The following LPAR3 variants were observed in gnomAD, a reference collection of about 807,000 sequenced individuals.
LPAR3 encodes the protein lysophosphatidic acid receptor 3.
Under a neutral mutation model 17.8 loss-of-function variants are expected in LPAR3, and 7 were observed. The ratio of observed to expected loss-of-function variants is 0.39; its 90% CI spans 0.22 to 0.74. The LOEUF (loss-of-function observed/expected upper bound fraction) is 0.74. Ranked by LOEUF, LPAR3 falls within the 30% of genes least tolerant of loss-of-function variation. The pLI, the probability that LPAR3 is intolerant of heterozygous loss-of-function variation, is 0.40. For missense variants in LPAR3, 391 were observed against 453.4 expected (o/e 0.86, Z 1.25); for synonymous variants, 179 against 179.9 (o/e 0.99, Z 0.04).
chr1:84,850,393 C>CAAAAAAAAAAAAAAAAAAAAAA (rs561506398), intron 2 of LPAR3, among the ~76,000 whole-genome samples: 4 of 38,736 alleles, frequency 1.0e-4, no homozygotes, highest in Admixed American at 2.8e-4. Context: ...TCTGTCTCTA[C>CAAAAAAAAAAAAAAAAAAAAAA]AAAAAAAAAA....
intron 2 of LPAR3, among the ~76,000 whole-genome samples, chr1:84,832,418 G>A (rs947261517): frequency 6.6e-6 from 1 of 152,126 alleles, no homozygotes; most frequent in African/African-American, 2.4e-5. Flanking sequence ...AGAAATAACT[G>A]TCATAGGCAA....
At chr1:84,855,305 G>A (rs1345447271) in intron 2 of LPAR3, among the ~76,000 whole-genome samples, 1 of 152,194 alleles carries the variant, frequency 6.6e-6, no homozygotes. Context: ...TCCAGATGTT[G>A]AATTAGCCCA....
chr1:84,817,640 C>T (rs1388108626), intron 2 of LPAR3, among the ~76,000 whole-genome samples: 1 of 152,058 alleles, frequency 6.6e-6, no homozygotes, highest in Non-Finnish European at 1.5e-5. Flanking sequence ...TGTCGAAGAA[C>T]ATTTGCCTTT....
intron 2 of LPAR3, among the ~76,000 whole-genome samples, chr1:84,832,824 C>T (rs1252759409): frequency 6.6e-6 from 1 of 152,166 alleles, no homozygotes; most frequent in Non-Finnish European, 1.5e-5. Context: ...GCTCTTCTTA[C>T]AGGCCATGGG....
At chr1:84,868,760 G>C (rs1252157581) in intron 1 of LPAR3, among the ~76,000 whole-genome samples, 1 of 152,152 alleles carries the variant, frequency 6.6e-6, no homozygotes, top group African/African-American at 2.4e-5. Context: ...TCTGGAAGCA[G>C]AGACCAGGCC....
intron 1 of LPAR3, among the ~76,000 whole-genome samples, chr1:84,869,290 C>A (rs754608766): frequency 6.6e-6 from 1 of 152,078 alleles, no homozygotes; most frequent in Non-Finnish European, 1.5e-5. Flanking sequence ...AAAAATTGCC[C>A]TGAGACTGCA....
At chr1:84,820,687 A>G (rs1659035513) in intron 2 of LPAR3, among the ~76,000 whole-genome samples, 1 of 152,210 alleles carries the variant, frequency 6.6e-6, no homozygotes, top group African/African-American at 2.4e-5. Context: ...TTTAACCAGG[A>G]GTTCATGCAG....
At chr1:84,814,216 G>A (rs1476115590) in intron 2 of LPAR3, 45 bp from the exon 3 acceptor site, 5 of 1,518,114 alleles carry the variant, frequency 3.3e-6, no homozygotes, top group Non-Finnish European at 4.5e-6. Context: ...GACCTTAGGG[G>A]ACTTATTCAG....
In LPAR3 at chr1:84,893,103, C is replaced by G. The variant is rs965876287; in HGVS notation, c.-106G>C. On this transcript the variant is annotated 5_prime_UTR_variant, in exon 1 of 3. Coordinates refer to ENST00000370611, the MANE Select transcript of LPAR3 (RefSeq NM_012152.3). Reference sequence around the variant, plus strand: ...TCGGGGTCGAGCGCGACGGGGCGACCGGGCGCCGGGCTCCAGCCGGGCGCG... The same window carrying G: ...TCGGGGTCGAGCGCGACGGGGCGACGGGGCGCCGGGCTCCAGCCGGGCGCG... The G allele has an allele frequency of 1.3e-5, 2 of 152,028 alleles. No homozygotes were observed. Among genetic ancestry groups the G allele is most frequent in the Non-Finnish European group, 1.5e-5 (1 of 68,010 alleles). The allele number at this position is 152,028 out of a possible 1,614,324, so 9.4% of individuals were successfully genotyped here.
chr1:84,858,869 G>A (rs923996671), intron 2 of LPAR3, among the ~76,000 whole-genome samples: 1 of 152,204 alleles, frequency 6.6e-6, no homozygotes, highest in Non-Finnish European at 1.5e-5. Context: ...GCAGCCCAAG[G>A]GAGGCAGTAA....
intron 1 of LPAR3, among the ~76,000 whole-genome samples, chr1:84,870,873 T>C (rs909823872): frequency 1.3e-5 from 2 of 152,196 alleles, no homozygotes; most frequent in African/African-American, 4.8e-5. Flanking sequence ...AAGGACTATA[T>C]TTATACTTAC....
At chr1:84,886,204 A>C (rs959776560) in intron 1 of LPAR3, among the ~76,000 whole-genome samples, 1 of 152,184 alleles carries the variant, frequency 6.6e-6, no homozygotes, top group African/African-American at 2.4e-5. Flanking sequence ...TGTTTCCACT[A>C]ATGTACAACA....
At chr1:84,826,555 T>C (rs1224750029) in intron 2 of LPAR3, among the ~76,000 whole-genome samples, 1 of 152,032 alleles carries the variant, frequency 6.6e-6, no homozygotes, top group Non-Finnish European at 1.5e-5. Context: ...AGTGACATAC[T>C]ATACAGCTAT....
chr1:84,884,077 A>T (rs1440620417), intron 1 of LPAR3, among the ~76,000 whole-genome samples: 1 of 152,192 alleles, frequency 6.6e-6, no homozygotes, highest in Non-Finnish European at 1.5e-5. Flanking sequence ...TCTTATTTGG[A>T]AATGTTATTA....
intron 2 of LPAR3, among the ~76,000 whole-genome samples, chr1:84,829,640 G>GA (rs988144624): frequency 1.4e-4 from 20 of 145,358 alleles, no homozygotes; most frequent in Admixed American, 2.0e-4. Flanking sequence ...TCATGCTCAA[G>GA]AAAAAAAAAA....
chr1:84,825,413 C>A (rs1338933940), intron 2 of LPAR3, among the ~76,000 whole-genome samples: 1 of 152,146 alleles, frequency 6.6e-6, no homozygotes, highest in African/African-American at 2.4e-5. Context: ...GTAAATGATT[C>A]CAGGCAAGAT....
At chr1:84,838,321 T>G (rs975794323) in intron 2 of LPAR3, among the ~76,000 whole-genome samples, 1 of 152,176 alleles carries the variant, frequency 6.6e-6, no homozygotes, top group African/African-American at 2.4e-5. Context: ...CAGATCACCC[T>G]CTTGCATGGT....
chr1:84,846,230 T>C (rs933013210), intron 2 of LPAR3, among the ~76,000 whole-genome samples: 2 of 152,220 alleles, frequency 1.3e-5, no homozygotes, highest in Non-Finnish European at 2.9e-5. Flanking sequence ...TTCAGCTACA[T>C]AAAGGGATAG....
chr1:84,865,070 CT>C (rs960844581), intron 2 of LPAR3, among the ~76,000 whole-genome samples: 1 of 152,086 alleles, frequency 6.6e-6, no homozygotes, highest in Non-Finnish European at 1.5e-5. Flanking sequence ...CCTCACAACA[CT>C]TTTTTAAAGT....
Sources: gnomAD v4.1 joint callset for allele counts (sites outside exome capture counted in the v4.1 genomes callset) on GRCh38, gnomAD v4.1.1 for gene constraint, MANE v1.5 for transcripts, NCBI Gene and HGNC (gene_info 2026-07-23, HGNC 2026-07-21) for gene names.